Variants in RSRC1 observed in about 807,000 individuals in gnomAD.
The protein encoded by RSRC1 is serine/Arginine-related protein 53.
Under a neutral mutation model 49.1 loss-of-function variants are expected in RSRC1, and 39 were observed. The ratio of observed to expected loss-of-function variants is 0.79; its 90% confidence interval spans 0.61 to 1.04. The LOEUF is 1.04. Among genes scored for constraint, RSRC1 ranks in the 50% least tolerant of loss-of-function variants. The probability of loss-of-function intolerance (pLI) is 0.00; values close to 1 mark genes in which losing one functional copy is unlikely to be tolerated. For synonymous variants in RSRC1, 143 were observed against 130.8 expected, an observed-to-expected ratio of 1.09 and a Z score of -0.63; for missense variants, 388 against 402.4, an observed-to-expected ratio of 0.96 and a Z score of 0.31.
chr3:158,266,842 C>T (rs1725212656), intron 4 of RSRC1, among the ~76,000 whole-genome samples: 1 of 152,038 alleles, frequency 6.6e-6, no homozygotes, highest in Non-Finnish European at 1.5e-5. Context: ...ATATGATCTG[C>T]AGCCTCCGCC....
intron 3 of RSRC1, among the ~76,000 whole-genome samples, chr3:158,129,007 C>T (rs1209811818): frequency 6.6e-6 from 1 of 152,088 alleles, no homozygotes; most frequent in East Asian, 1.9e-4. Flanking sequence ...TGGTGTTAAC[C>T]TTGATCGTGT....
At chr3:158,329,915 A>G (rs1386909942) in intron 5 of RSRC1, among the ~76,000 whole-genome samples, 2 of 151,880 alleles carry the variant, frequency 1.3e-5, no homozygotes, top group African/African-American at 2.4e-5. Flanking sequence ...TTGTTCACCT[A>G]CTCAAGCCTC....
chr3:158,339,186 G>A (rs1395556897), intron 5 of RSRC1, among the ~76,000 whole-genome samples: 1 of 151,854 alleles, frequency 6.6e-6, no homozygotes, highest in South Asian at 2.1e-4. Flanking sequence ...CAGCTATTCT[G>A]GAGGCTGAGG....
intron 3 of RSRC1, among the ~76,000 whole-genome samples, chr3:158,167,264 G>T (rs1018291953): frequency 6.6e-6 from 1 of 152,060 alleles, no homozygotes; most frequent in Non-Finnish European, 1.5e-5. Flanking sequence ...TCGGCTCACT[G>T]CAACCTCTGC....
At chr3:158,447,429 A>G (rs1010498676) in intron 6 of RSRC1, among the ~76,000 whole-genome samples, 2 of 152,030 alleles carry the variant, frequency 1.3e-5, no homozygotes, top group African/African-American at 4.8e-5. Context: ...CTGACTTCAT[A>G]ATTAAACTTT....
At chr3:158,330,063 G>A (rs1559996325) in intron 5 of RSRC1, among the ~76,000 whole-genome samples, 2 of 152,230 alleles carry the variant, frequency 1.3e-5, no homozygotes, top group African/African-American at 4.8e-5. Context: ...CTGGTGTGCC[G>A]TTTGCTAAGA....
chr3:158,521,309 TTTG>T lies in RSRC1; in HGVS notation c.653-15778_653-15776del, dbSNP rs1409838760. On this transcript the variant is annotated intron_variant, in intron 7 of 9. Transcript: ENST00000611884. ...GTTCAAGACTGTTGTACATGTTCTA[TTTG>T]TTGTCTCTTTACTCTCCTTCCTTCT... 2.0e-5 allele frequency among the ~76,000 whole-genome samples: 3 copies of T among 152,142 alleles called. No individual in the cohort carries two copies. In the East Asian group the frequency reaches 5.8e-4, roughly 29 times the overall value.
chr3:158,345,278 TG>T (rs1730487417), intron 5 of RSRC1, among the ~76,000 whole-genome samples: 1 of 151,772 alleles, frequency 6.6e-6, no homozygotes, highest in Non-Finnish European at 1.5e-5. Context: ...AATTGCAATG[TG>T]GTAGATTAAT....
At chr3:158,537,731 TA>T (rs1486727780) in intron 8 of RSRC1, among the ~76,000 whole-genome samples, 2 of 151,640 alleles carry the variant, frequency 1.3e-5, no homozygotes, top group African/African-American at 2.4e-5. Flanking sequence ...TTTTAGGAAT[TA>T]GGTTTCTATA....
intron 4 of RSRC1, among the ~76,000 whole-genome samples, chr3:158,268,174 CT>C (rs1245029710): frequency 1.3e-5 from 2 of 152,186 alleles, no homozygotes; most frequent in Non-Finnish European, 2.9e-5. Flanking sequence ...TTCAGCTGCT[CT>C]GCCAGCTTTA....
chr3:158,514,589 T>C lies in RSRC1; in HGVS notation c.653-22503T>C, dbSNP rs577130755. ...GGTGTGGTGCTGAAAAAAATGTATA[T>C]TCTGTTGATTTGGGATGGAGAGTTC... On this transcript the variant is annotated intron_variant, in intron 7 of 9. Transcript: ENST00000611884. 2.6e-5 allele frequency among the ~76,000 whole-genome samples: 4 copies of C among 152,234 alleles called. No individual in the cohort carries two copies. The East Asian group carries it at 7.7e-4, about 29-fold the overall frequency.
chr3:158,241,944 G>A (rs7629044), intron 4 of RSRC1, among the ~76,000 whole-genome samples: 2,574 of 144,480 alleles, frequency 0.018, 91 homozygotes, highest in African/African-American at 0.062. Context: ...TTTTATGGAA[G>A]TATATACTCT....
chr3:158,353,777 T>G (rs977202635), intron 5 of RSRC1, among the ~76,000 whole-genome samples: 11 of 151,122 alleles, frequency 7.3e-5, no homozygotes, highest in Non-Finnish European at 1.6e-4. Flanking sequence ...AAGTGATTAT[T>G]TTCATATATA....
At chr3:158,207,662 T>TAGATAGATAGATAGATAGAC (rs55689613) in intron 4 of RSRC1, among the ~76,000 whole-genome samples, 36,900 of 148,548 alleles carry the variant, frequency 0.25, 4,823 homozygotes, top group Admixed American at 0.32. Flanking sequence ...GATAGATAGA[T>TAGATAGATAGATAGATAGAC]AGACAGAGAG....
rs1723822972 is a variant in RSRC1 at position 158,245,173 on chromosome 3, C to T, written c.494+41928C>T. Among the ~76,000 whole-genome samples the T allele has an allele frequency of 2.1e-5, 3 of 144,208 alleles. 1 individual carries two copies. The South Asian group carries it at 7.0e-4, about 34-fold the overall frequency. The allele number at this position is 144,208 out of a possible 152,430, so 94.6% of individuals were successfully genotyped here. A position where few individuals can be genotyped will look rare whatever the true frequency, so the allele number is the denominator to read the frequency against. ...TGTGGGCATTTAGTGCTATAAATTT[C>T]CCTCTTAACATTGCTTTAGTTGTGA... On this transcript the variant is annotated intron_variant, in intron 4 of 9. Coordinates refer to ENST00000611884, the MANE Select transcript of RSRC1 (RefSeq NM_001271838.2).
chr3:158,127,409 C>T (rs575814094), intron 3 of RSRC1, among the ~76,000 whole-genome samples: 1 of 151,988 alleles, frequency 6.6e-6, no homozygotes, highest in South Asian at 2.1e-4. Context: ...TTTGAATTGA[C>T]CTTTCTTTGT....
chr3:158,431,339 A>G (rs1232899194), intron 6 of RSRC1, among the ~76,000 whole-genome samples: 2 of 152,026 alleles, frequency 1.3e-5, no homozygotes, highest in African/African-American at 2.4e-5. Context: ...TTCTATTCCA[A>G]ATAATAAAAG....
intron 6 of RSRC1, among the ~76,000 whole-genome samples, chr3:158,355,952 A>G (rs2108241474): frequency 6.6e-6 from 1 of 151,952 alleles, no homozygotes; most frequent in African/African-American, 2.4e-5. Flanking sequence ...ATACATACAT[A>G]CCTATGATAA....
chr3:158,509,254 C>G (rs1034855792), intron 7 of RSRC1, among the ~76,000 whole-genome samples: 4 of 152,114 alleles, frequency 2.6e-5, no homozygotes, highest in Admixed American at 6.5e-5. Context: ...TGACCTCATT[C>G]AGTTTTTAAC....
Sources: allele counts gnomAD v4.1 joint callset (sites outside exome capture counted in the v4.1 genomes callset), GRCh38; gene constraint gnomAD v4.1.1; transcripts MANE v1.5; gene names NCBI Gene and HGNC (gene_info 2026-07-23, HGNC 2026-07-21).